The following CDH13 variants were observed in gnomAD, a reference collection of about 807,000 sequenced individuals.
CDH13 encodes cadherin-13.
In CDH13, 24 loss-of-function variants were observed where a neutral mutation model predicts 63.8. That is an observed-to-expected ratio of 0.38 (90% CI 0.27 to 0.53). The LOEUF is 0.53. Among genes scored for constraint, CDH13 ranks in the 20% least tolerant of loss-of-function variants. The pLI is 0.85. For missense variants in CDH13, 1,049 were observed against 903.1 expected (o/e 1.16, Z -2.07); for synonymous variants, 503 against 355.3 (o/e 1.42, Z -4.67).
intron 6 of CDH13, 148 bp downstream of exon 6, chr16:83,345,154 T>A: frequency 1.1e-6 from 1 of 875,094 alleles, no homozygotes; most frequent in African/African-American, 1.7e-5. Flanking sequence ...GAAGCCAGGT[T>A]GGAAAGCTAA....
At chr16:83,489,804 A>T (rs912273019) in intron 7 of CDH13, among the ~76,000 whole-genome samples, 14 of 152,128 alleles carry the variant, frequency 9.2e-5, no homozygotes, top group African/African-American at 3.4e-4. Context: ...GGCAGAAAAA[A>T]CATTTAATAC....
chr16:83,257,713 G>C (rs1906467302), intron 5 of CDH13, among the ~76,000 whole-genome samples: 1 of 152,166 alleles, frequency 6.6e-6, no homozygotes, highest in Non-Finnish European at 1.5e-5. Context: ...ATTGTGAATA[G>C]TGCTGCAATG....
intron 1 of CDH13, among the ~76,000 whole-genome samples, chr16:82,746,482 G>A (rs562507296): frequency 5.3e-5 from 8 of 151,888 alleles, no homozygotes; most frequent in Non-Finnish European, 8.8e-5. Context: ...CTACAAATGA[G>A]AACTGAAGAA....
intron 1 of CDH13, among the ~76,000 whole-genome samples, chr16:82,651,520 A>T (rs1427799959): frequency 6.6e-6 from 1 of 152,240 alleles, no homozygotes; most frequent in Non-Finnish European, 1.5e-5. Context: ...GGGAGAGTAT[A>T]TGGGTGGCGT....
At chr16:82,961,572 TAAAAA>T (rs71376305) in intron 2 of CDH13, among the ~76,000 whole-genome samples, 2 of 103,388 alleles carry the variant, frequency 1.9e-5, no homozygotes, top group East Asian at 3.0e-4. Flanking sequence ...GCAGGGGACT[TAAAAA>T]AAAAAAAAAA....
chr16:83,481,654 G>C (rs1204404808), intron 6 of CDH13, among the ~76,000 whole-genome samples: 4 of 152,174 alleles, frequency 2.6e-5, no homozygotes, highest in African/African-American at 9.7e-5. Flanking sequence ...GGCCCAACTT[G>C]AGACTTTCAA....
At chr16:83,522,876 T>A (rs1262543203) in intron 7 of CDH13, among the ~76,000 whole-genome samples, 1 of 152,190 alleles carries the variant, frequency 6.6e-6, no homozygotes. Context: ...AGACACTTTA[T>A]GACTCACCAC....
At chr16:82,760,942 A>G (rs1218155791) in intron 1 of CDH13, among the ~76,000 whole-genome samples, 1 of 147,156 alleles carries the variant, frequency 6.8e-6, no homozygotes, top group Non-Finnish European at 1.5e-5. Context: ...GCCATTCAGG[A>G]GGGATCTACC....
chr16:83,719,556 C>T (rs781322316), intron 10 of CDH13, among the ~76,000 whole-genome samples: 3 of 152,114 alleles, frequency 2.0e-5, no homozygotes, highest in Admixed American at 6.6e-5. Flanking sequence ...AGTAAGTGTT[C>T]GCTTATGAGG....
chr16:83,184,433 T>G (rs373052698), intron 4 of CDH13, among the ~76,000 whole-genome samples: 99 of 152,218 alleles, frequency 6.5e-4, no homozygotes, highest in Middle Eastern at 3.4e-3. Context: ...AGAAGAGATA[T>G]TTCACAGATA....
Position 83,456,800 on chromosome 16 carries a change from A to G in CDH13, c.782-29677A>G, listed in dbSNP as rs141357615. ...AATATGGCAAAACCCCGTCTCTACT[A>G]AAAATACAAAAATTAGCCAGGCATG... On this transcript the variant is annotated intron_variant, in intron 6 of 13. Coordinates refer to ENST00000567109, the MANE Select transcript of CDH13 (RefSeq NM_001257.5). Among the ~76,000 whole-genome samples the G allele has an allele frequency of 7.1e-3, 1,084 of 152,272 alleles. 3 individuals carry two copies. The highest frequency in any genetic ancestry group is 0.012 in the Non-Finnish European group (789 of 68,008).
chr16:83,707,709 C>T (rs1353669467), intron 10 of CDH13, among the ~76,000 whole-genome samples: 3 of 151,428 alleles, frequency 2.0e-5, no homozygotes, highest in Non-Finnish European at 4.4e-5. Context: ...GATCTGGTGG[C>T]CGTTCAATAA....
chr16:82,757,046 A>G (rs2034637317), intron 1 of CDH13, among the ~76,000 whole-genome samples: 1 of 151,894 alleles, frequency 6.6e-6, no homozygotes, highest in African/African-American at 2.4e-5. Context: ...GCCCATCAGG[A>G]TCCATGGGGA....
intron 7 of CDH13, among the ~76,000 whole-genome samples, chr16:83,512,071 C>G (rs962128153): frequency 2.0e-5 from 3 of 152,028 alleles, no homozygotes; most frequent in African/African-American, 7.3e-5. Context: ...CCTGTAATTC[C>G]AGCACTTTGG....
intron 8 of CDH13, among the ~76,000 whole-genome samples, chr16:83,637,329 G>A (rs1160886720): frequency 2.6e-5 from 2 of 76,436 alleles, no homozygotes; most frequent in Non-Finnish European, 2.4e-5. Flanking sequence ...CGTGAGCTAC[G>A]CAGAAGACGG....
intron 5 of CDH13, among the ~76,000 whole-genome samples, chr16:83,325,071 C>T (rs2090330181): frequency 6.6e-6 from 1 of 152,204 alleles, no homozygotes; most frequent in Non-Finnish European, 1.5e-5. Flanking sequence ...GACAGACCTT[C>T]TCTGAACAGC....
At chr16:83,204,704 A>G (rs1447760089) in intron 4 of CDH13, among the ~76,000 whole-genome samples, 2 of 152,178 alleles carry the variant, frequency 1.3e-5, no homozygotes, top group African/African-American at 2.4e-5. Flanking sequence ...TTTGGTGACA[A>G]GAAACCCCAA....
intron 6 of CDH13, among the ~76,000 whole-genome samples, chr16:83,459,714 T>C (rs953005438): frequency 2.0e-5 from 3 of 152,216 alleles, no homozygotes; most frequent in Non-Finnish European, 4.4e-5. Context: ...AAGAGTCACT[T>C]GATCACAGGA....
At chr16:83,566,507 C>CCTCAATT (rs1555574352) in intron 7 of CDH13, among the ~76,000 whole-genome samples, 1 of 151,342 alleles carries the variant, frequency 6.6e-6, no homozygotes. Context: ...CAGAGCCCCA[C>CCTCAATT]CTCCATTCTC....
Sources: allele counts gnomAD v4.1 joint callset (sites outside exome capture counted in the v4.1 genomes callset), GRCh38; gene constraint gnomAD v4.1.1; transcripts MANE v1.5; gene names NCBI Gene and HGNC (gene_info 2026-07-23, HGNC 2026-07-21).